NAALADL2: variants seen among roughly 807,000 people sequenced by gnomAD.
The protein encoded by NAALADL2 is inactive N-acetylated-alpha-linked acidic dipeptidase-like protein 2.
In NAALADL2, 76 loss-of-function variants were observed where a neutral mutation model predicts 87.2. The observed-to-expected ratio is 0.87, with a 90% CI of 0.72 to 1.05. NAALADL2 has a LOEUF of 1.05. NAALADL2 is among the 50% of genes least tolerant of loss of function. The pLI, the probability that NAALADL2 is intolerant of heterozygous loss-of-function variation, is 0.00. For missense variants in NAALADL2, 1,089 were observed against 945.8 expected (o/e 1.15, Z -1.99); for synonymous variants, 354 against 331.0 (o/e 1.07, Z -0.75).
chr3:174,868,484 TCAA>T (rs2109589895), intron 1 of NAALADL2, among the ~76,000 whole-genome samples: 1 of 152,314 alleles, frequency 6.6e-6, no homozygotes, highest in African/African-American at 2.4e-5. Flanking sequence ...CCCACAATCA[TCAA>T]CACCATCATT....
At chr3:175,787,030 C>T (rs1425282046) in intron 13 of NAALADL2, among the ~76,000 whole-genome samples, 1 of 151,932 alleles carries the variant, frequency 6.6e-6, no homozygotes, top group Non-Finnish European at 1.5e-5. Context: ...GCTTGTTGGT[C>T]AGGGGTCAGG....
chr3:175,467,119 A>G lies in NAALADL2; in HGVS notation c.1468A>G (p.Thr490Ala), dbSNP rs1281598101. The change falls in exon 8 of 14, where the codon ACT becomes GCT. Residue 490 changes from threonine (T) to alanine (A), a missense_variant. Transcript: ENST00000454872. Reference protein sequence around the residue: ...KVKRGWRPDRTIVFCSWGGTA... With the variant: ...KVKRGWRPDRAIVFCSWGGTA... ...TAAGAGAGGGTGGAGACCAGACCGA[A>G]CTATTGTTTTCTGTTCTTGGGGAGG... 9 of 1,613,788 alleles carry G rather than the reference A, an allele frequency of 5.6e-6. No individual in the cohort carries two copies. The highest frequency in any genetic ancestry group is 7.6e-6 in the Non-Finnish European group (9 of 1,179,844).
At chr3:175,352,939 G>T (rs1763937090) in intron 5 of NAALADL2, among the ~76,000 whole-genome samples, 2 of 151,994 alleles carry the variant, frequency 1.3e-5, no homozygotes, top group South Asian at 4.1e-4. Flanking sequence ...AGCCTGCCTG[G>T]ACTCCAGCAG....
chr3:175,415,937 G>C (rs1232122496), intron 5 of NAALADL2, among the ~76,000 whole-genome samples: 1 of 147,820 alleles, frequency 6.8e-6, no homozygotes, highest in Non-Finnish European at 1.5e-5. Flanking sequence ...AACATACTGC[G>C]AGACCTTGTC....
intron 2 of NAALADL2, among the ~76,000 whole-genome samples, chr3:175,163,561 A>G (rs965184795): frequency 6.6e-6 from 1 of 152,020 alleles, no homozygotes; most frequent in Non-Finnish European, 1.5e-5. Context: ...CTACCTATGG[A>G]GAGTGTTGAG....
intron 5 of NAALADL2, among the ~76,000 whole-genome samples, chr3:175,398,230 T>C (rs1770065324): frequency 6.6e-6 from 1 of 151,674 alleles, no homozygotes. Flanking sequence ...AGAAAGACAC[T>C]AATTAATTAG....
intron 9 of NAALADL2, among the ~76,000 whole-genome samples, chr3:175,570,372 A>G (rs9871362): frequency 0.23 from 35,214 of 152,108 alleles, 5,469 homozygotes; most frequent in African/African-American, 0.44. Context: ...TCAGAATGAT[A>G]TTTGACCAAA....
chr3:175,466,846 A>C lies in NAALADL2; in HGVS notation c.1328-133A>C. On this transcript the variant is annotated intron_variant, in intron 7 of 13. Coordinates refer to ENST00000454872, the MANE Select transcript of NAALADL2 (RefSeq NM_207015.3). ...AATTAAGACAGTGAGCAAAAAAATT[A>C]AAGTAGTCTTAATTATTAGAGCAAT... is the stretch of plus-strand genomic sequence containing the variant. The C allele has an allele frequency of 4.1e-6, 3 of 731,546 alleles. No homozygotes were observed. The East Asian group carries it at 7.7e-5, about 19-fold the overall frequency. The allele number at this position is 731,546 out of a possible 1,614,324, so 45.3% of individuals were successfully genotyped here.
intron 1 of NAALADL2, among the ~76,000 whole-genome samples, chr3:174,866,875 A>C (rs1339667015): frequency 1.3e-5 from 2 of 151,946 alleles, no homozygotes; most frequent in East Asian, 3.9e-4. Flanking sequence ...CAGTTTTAGC[A>C]TCATATTTTA....
At chr3:174,582,395 G>A (rs917609363) in intron 2 of NAALADL2, among the ~76,000 whole-genome samples, 4 of 152,112 alleles carry the variant, frequency 2.6e-5, no homozygotes, top group Non-Finnish European at 4.4e-5. Context: ...TGTATTACCG[G>A]AAAGTGAAGT....
chr3:175,391,418 G>A (rs530607423), intron 5 of NAALADL2, among the ~76,000 whole-genome samples: 56 of 152,136 alleles, frequency 3.7e-4, no homozygotes, highest in Non-Finnish European at 6.3e-4. Context: ...ATCTCTCGCT[G>A]TCTCACTCTG....
intron 3 of NAALADL2, among the ~76,000 whole-genome samples, chr3:174,808,549 G>A (rs376761459): frequency 3.9e-5 from 6 of 152,182 alleles, no homozygotes; most frequent in Admixed American, 2.0e-4. Context: ...AGTCAATACA[G>A]CAACTGCTAT....
intron 2 of NAALADL2, among the ~76,000 whole-genome samples, chr3:175,175,051 TAAA>T (rs955747919): frequency 2.0e-4 from 31 of 151,352 alleles, no homozygotes; most frequent in African/African-American, 7.2e-4. Context: ...GTTGTATCAT[TAAA>T]AATTTCATAA....
chr3:174,998,366 A>G (rs60495310), intron 1 of NAALADL2, among the ~76,000 whole-genome samples: 2,565 of 152,294 alleles, frequency 0.017, 40 homozygotes, highest in African/African-American at 0.044. Flanking sequence ...TGCAGAGAAC[A>G]CATTATTTTA....
At position 175,787,374 on chromosome 3, in the gene NAALADL2, C is replaced by T. The variant is rs372256835; in HGVS notation, c.2190-15631C>T. ...CTAGCAATCAGTGAGACTCCGTGGG[C>T]GTAGGACCCTCCGAGCCAGGTGCGG... is the stretch of plus-strand genomic sequence containing the variant. On this transcript the variant is annotated intron_variant, in intron 13 of 13. Transcript: ENST00000454872. 9.7e-4 allele frequency among the ~76,000 whole-genome samples: 148 copies of T among 152,240 alleles called. No homozygotes were observed. The East Asian group carries it at 0.016, about 16-fold the overall frequency.
intron 1 of NAALADL2, among the ~76,000 whole-genome samples, chr3:174,977,489 G>A (rs1744519461): frequency 6.6e-6 from 1 of 152,206 alleles, no homozygotes; most frequent in Admixed American, 6.5e-5. Context: ...CTATAAATTA[G>A]TGTGGTTGAA....
intron 5 of NAALADL2, among the ~76,000 whole-genome samples, chr3:175,394,550 A>G (rs1246788377): frequency 5.9e-5 from 9 of 152,230 alleles, no homozygotes; most frequent in African/African-American, 9.6e-5. Flanking sequence ...CTTGAGATTC[A>G]TTGTGTTTTA....
chr3:175,135,432 C>CAT (rs10662128), intron 2 of NAALADL2, among the ~76,000 whole-genome samples: 111,198 of 151,796 alleles, frequency 0.73, 41,126 homozygotes, highest in Non-Finnish European at 0.78. Flanking sequence ...CACACAAAAA[C>CAT]ATAAACACAG....
chr3:175,788,357 C>CTA (rs981412281), intron 13 of NAALADL2, among the ~76,000 whole-genome samples: 1 of 152,002 alleles, frequency 6.6e-6, no homozygotes, highest in African/African-American at 2.4e-5. Flanking sequence ...TCCCAAAGTC[C>CTA]TAGGATTATA....
Sources: allele counts gnomAD v4.1 joint callset (sites outside exome capture counted in the v4.1 genomes callset), GRCh38; gene constraint gnomAD v4.1.1; transcripts MANE v1.5; gene names NCBI Gene and HGNC (gene_info 2026-07-23, HGNC 2026-07-21).